Variants in TERT observed in about 807,000 individuals in gnomAD.
TERT encodes the protein telomerase reverse transcriptase.
In TERT, 42 loss-of-function variants were observed where a neutral mutation model predicts 104.0. The ratio of observed to expected loss-of-function variants is 0.40; its 90% CI spans 0.32 to 0.52. TERT has a LOEUF of 0.52. TERT is among the 20% of genes least tolerant of loss of function. TERT has a pLI of 0.43. For missense variants in TERT, 1,101 were observed against 1,610.3 expected (o/e 0.68, Z 5.41); for synonymous variants, 781 against 725.6 (o/e 1.08, Z -1.23).
Position 1,255,233 on chromosome 5 carries a change from AC to A in TERT, c.3157+53del, listed in dbSNP as rs1469538163. The A allele has an allele frequency of 1.9e-6, 3 of 1,604,680 alleles. No individual in the cohort carries two copies. Among genetic ancestry groups the A allele is most frequent in the Non-Finnish European group, 2.6e-6 (3 of 1,175,718 alleles). On this transcript the variant is annotated intron_variant, in intron 14 of 15. Transcript: ENST00000310581. The surrounding 1 kb of genome is among the most constrained non-coding windows in gnomAD (Gnocchi z 6.9). ...CCAGATTCACTCAGTCTCCTGACAC[AC>A]TAACACCAGCAGGCAGGCACTGCTG... is the stretch of plus-strand genomic sequence containing the variant.
At chr5:1,267,155 G>A (rs1302787389) in intron 9 of TERT, among the ~76,000 whole-genome samples, 2 of 152,188 alleles carry the variant, frequency 1.3e-5, no homozygotes, top group East Asian at 3.8e-4. Context: ...TCTAGAACTT[G>A]AACCTTAATG....
chr5:1,278,929 G>A, intron 5 of TERT, 133 bp from the exon 6 acceptor site: 1 of 1,279,658 alleles, frequency 7.8e-7, no homozygotes, highest in Non-Finnish European at 1.1e-6. Context: ...CCAAGGGCAG[G>A]GCGGGCTGTG....
rs1748881094 is a variant in TERT at position 1,269,668 on chromosome 5, C to T, written c.2469-1035G>A. 6.6e-6 allele frequency among the ~76,000 whole-genome samples: 1 copy of T among 151,816 alleles called. No individual in the cohort carries two copies. Among genetic ancestry groups the T allele is most frequent in the Non-Finnish European group, 1.5e-5 (1 of 67,984 alleles). On this transcript the variant is annotated intron_variant, in intron 8 of 15. Transcript: ENST00000310581. This position sits in a 1 kb window ranked among gnomAD's most constrained non-coding sequence, Gnocchi z 9.0. ...GCTTTCCTTGCTGGTGCAGATATCA[C>T]AGTGATGGGCAAGAGGACTGCACTT...
rs1383190628 is a variant in TERT, at chr5:1,261,982, A to G, written c.2844-1382T>C. 1.3e-5 allele frequency among the ~76,000 whole-genome samples: 2 copies of G among 152,072 alleles called. No individual in the cohort carries two copies. Among genetic ancestry groups the G allele is most frequent in the Non-Finnish European group, 2.9e-5 (2 of 68,008 alleles). On this transcript the variant is annotated intron_variant, in intron 11 of 15. Transcript: ENST00000310581. This position sits in a 1 kb window ranked among gnomAD's most constrained non-coding sequence, Gnocchi z 7.4. Reference sequence around the variant, plus strand: ...CGCCTTAAATAAATCACGTGCACAAACGCTCCAGGGAATGGCCATTTTCAC... The same window carrying G: ...CGCCTTAAATAAATCACGTGCACAAGCGCTCCAGGGAATGGCCATTTTCAC...
rs1372722498 is a variant in TERT, at chr5:1,256,001, G to A, written c.3033-590C>T. Among the ~76,000 whole-genome samples the A allele has an allele frequency of 1.3e-5, 2 of 151,780 alleles. No homozygotes were observed. The highest frequency in any genetic ancestry group is 4.8e-5 in the African/African-American group (2 of 41,296). Reference sequence around the variant, plus strand: ...ACTAAATGTTTCTTTCCAAGAAACTGCATTTGTCAGTCTTCTTTGTTGTTG... The same window carrying A: ...ACTAAATGTTTCTTTCCAAGAAACTACATTTGTCAGTCTTCTTTGTTGTTG... On this transcript the variant is annotated intron_variant, in intron 13 of 15. Transcript: ENST00000310581. This position sits in a 1 kb window ranked among gnomAD's most constrained non-coding sequence, Gnocchi z 7.0.
Position 1,286,543 on chromosome 5 carries a change from T to G in TERT, c.1574-3919A>C, listed in dbSNP as rs373971011. Among the ~76,000 whole-genome samples the G allele has an allele frequency of 2.0e-5, 3 of 152,132 alleles. No individual in the cohort carries two copies. The highest frequency in any genetic ancestry group is 1.9e-4 in the East Asian group (1 of 5,202). Reference sequence around the variant, plus strand: ...AGCTAAAATACACTAAGGGTCTTATTGCTCAGGACAAGGGTAGCAATGTTT... The same window carrying G: ...AGCTAAAATACACTAAGGGTCTTATGGCTCAGGACAAGGGTAGCAATGTTT... On this transcript the variant is annotated intron_variant, in intron 2 of 15. Coordinates refer to ENST00000310581, the MANE Select transcript of TERT (RefSeq NM_198253.3). The surrounding 1 kb of genome is among the most constrained non-coding windows in gnomAD (Gnocchi z 5.3).
rs2126560028 is a variant in TERT, at chr5:1,254,512, GA to G, written c.3158-8del. ...TTGGCCCCCAGCGACATCCCTGGGG[GA>G]AAACAGAGGCTGAGGAGTCACAGGC... On this transcript the variant is annotated splice_polypyrimidine_tract_variant and splice_region_variant and intron_variant, in intron 14 of 15. Transcript: ENST00000310581. The G allele has an allele frequency of 2.5e-6, 4 of 1,609,638 alleles. No individual in the cohort carries two copies. Among genetic ancestry groups the G allele is most frequent in the Non-Finnish European group, 3.4e-6 (4 of 1,178,912 alleles).
Position 1,295,058 on chromosome 5 carries a change from C to T in TERT, c.-69G>A. On this transcript the variant is annotated 5_prime_UTR_variant, in exon 1 of 16. Coordinates refer to ENST00000310581, the MANE Select transcript of TERT (RefSeq NM_198253.3). ...ACGCAGCGCTGCCTGAAACTCGCGC[C>T]GCGAGGAGAGGGCGGGGCCGCGGAA... The T allele has an allele frequency of 9.0e-7, 1 of 1,105,718 alleles. No individual in the cohort carries two copies. The highest frequency in any genetic ancestry group is 1.1e-6 in the Non-Finnish European group (1 of 872,600). 68.5% of individuals were successfully genotyped at this position (1,105,718 alleles called of 1,614,324 possible).
chr5:1,277,400 A>G (rs943692211), intron 6 of TERT, among the ~76,000 whole-genome samples: 1 of 152,218 alleles, frequency 6.6e-6, no homozygotes, highest in Non-Finnish European at 1.5e-5. Context: ...AGCGGGAAGG[A>G]TACATCCACG....
chr5:1,293,882 G>A lies in TERT; in HGVS notation c.1004C>T (p.Ser335Leu), dbSNP rs1751172447. ...YAETKHFLYS[S>L]GDKEQLRPSF... ...GGGCCGCAGCTGCTCCTTGTCGCCT[G>A]AGGAGTAGAGGAAGTGCTTGGTCTC... The change falls in exon 2 of 16, where the codon TCA becomes TTA. Residue 335 changes from serine (S) to leucine (L), a missense_variant. Coordinates refer to ENST00000310581, the MANE Select transcript of TERT (RefSeq NM_198253.3). 6.5e-7 allele frequency: 1 copy of A among 1,543,442 alleles called. No individual in the cohort carries two copies. Among genetic ancestry groups the A allele is most frequent in the Non-Finnish European group, 8.7e-7 (1 of 1,146,994 alleles).
At chr5:1,258,209 C>T (rs1481436955) in intron 13 of TERT, among the ~76,000 whole-genome samples, 1 of 152,250 alleles carries the variant, frequency 6.6e-6, no homozygotes, top group African/African-American at 2.4e-5. Context: ...GCCCTCTTTG[C>T]TGAGACCCCA....
At chr5:1,260,354 GCAC>G in intron 12 of TERT, 117 bp downstream of exon 12, 1 of 1,496,802 alleles carries the variant, frequency 6.7e-7, no homozygotes, top group Admixed American at 1.7e-5. Flanking sequence ...GCGTACATGT[GCAC>G]TCTTACGTGC....
In TERT at chr5:1,261,099, C is replaced by CA. The variant is rs1454817451; in HGVS notation, c.2844-500dup. ...GTGCACGTGGCACACATGGTGTCTCCAGAGGGGCAGGATGGAGGCATCCCA... is the reference window on the plus strand; with the variant it reads ...GTGCACGTGGCACACATGGTGTCTCCAAGAGGGGCAGGATGGAGGCATCCCA... On this transcript the variant is annotated intron_variant, in intron 11 of 15. Transcript: ENST00000310581. This position sits in a 1 kb window ranked among gnomAD's most constrained non-coding sequence, Gnocchi z 7.4. Among the ~76,000 whole-genome samples, 2 of 152,132 alleles carry CA rather than the reference C, an allele frequency of 1.3e-5. No individual in the cohort carries two copies. The highest frequency in any genetic ancestry group is 2.9e-5 in the Non-Finnish European group (2 of 68,028).
chr5:1,259,540 C>T (rs373623078), intron 12 of TERT, among the ~76,000 whole-genome samples: 10 of 105,424 alleles, frequency 9.5e-5, no homozygotes, highest in South Asian at 3.5e-4. Context: ...AGGGAGCAGA[C>T]GCAGATGCCC....
rs752959538 is a variant in TERT, at chr5:1,255,845, C to T, written c.3033-434G>A. On this transcript the variant is annotated intron_variant, in intron 13 of 15. Transcript: ENST00000310581. The surrounding 1 kb of genome is among the most constrained non-coding windows in gnomAD (Gnocchi z 6.9). ...GATGTCATCGTATATCAACGTCCTGCGCATCCCTTCTGAGCCACCCGCCCC... is the reference window on the plus strand; with the variant it reads ...GATGTCATCGTATATCAACGTCCTGTGCATCCCTTCTGAGCCACCCGCCCC... 8.5e-5 allele frequency among the ~76,000 whole-genome samples: 13 copies of T among 152,248 alleles called. No homozygotes were observed. Among genetic ancestry groups the T allele is most frequent in the East Asian group, 1.9e-4 (1 of 5,188 alleles).
At position 1,256,137 on chromosome 5, in the gene TERT, A is replaced by G. The variant is rs970252107; in HGVS notation, c.3033-726T>C. ...GTGATCCTCCCACTTCAGCCTCCCA[A>G]GTATTGGAACTACAGGCGCACACCA... On this transcript the variant is annotated intron_variant, in intron 13 of 15. Coordinates refer to ENST00000310581, the MANE Select transcript of TERT (RefSeq NM_198253.3). This position sits in a 1 kb window ranked among gnomAD's most constrained non-coding sequence, Gnocchi z 7.0. 1.3e-5 allele frequency among the ~76,000 whole-genome samples: 2 copies of G among 152,022 alleles called. No homozygotes were observed. Among genetic ancestry groups the G allele is most frequent in the African/African-American group, 4.8e-5 (2 of 41,378 alleles).
chr5:1,264,259 A>C lies in TERT; in HGVS notation c.2843+145T>G, dbSNP rs1331002862. 7.4e-6 allele frequency: 6 copies of C among 808,360 alleles called. No individual in the cohort carries two copies. In the African/African-American group the frequency reaches 1.0e-4, roughly 14 times the overall value. The allele number at this position is 808,360 out of a possible 1,614,324, so 50.1% of individuals were successfully genotyped here. On this transcript the variant is annotated intron_variant, in intron 11 of 15. Transcript: ENST00000310581. ...AAGATGCATTTCTGCTCAGCCCCAGATGGGACGAGGGGCACCCTGTGGCCT... is the reference window on the plus strand; with the variant it reads ...AAGATGCATTTCTGCTCAGCCCCAGCTGGGACGAGGGGCACCCTGTGGCCT...
In TERT at chr5:1,253,944, C is replaced by T. The variant is rs1561186160; in HGVS notation, c.3296-113G>A. On this transcript the variant is annotated intron_variant, in intron 15 of 15. Coordinates refer to ENST00000310581, the MANE Select transcript of TERT (RefSeq NM_198253.3). The stretch of plus-strand genomic sequence containing the variant: ...CAGGGCCTGCACCTCGTGGCCCTGG[C>T]TGGTGGGAACCTCAGTGAAGGGACA... The T allele has an allele frequency of 3.5e-5, 41 of 1,175,056 alleles. 1 individual carries two copies. In the South Asian group the frequency reaches 3.8e-4, roughly 11 times the overall value. The allele number at this position is 1,175,056 out of a possible 1,614,324, so 72.8% of individuals were successfully genotyped here.
chr5:1,279,223 T>G (rs1749831241), intron 5 of TERT, 68 bp downstream of exon 5: 2 of 1,511,514 alleles, frequency 1.3e-6, no homozygotes, highest in Non-Finnish European at 1.8e-6. Context: ...CCACCCAACA[T>G]GAGGTGCCAA....
Sources: allele counts gnomAD v4.1 joint callset (sites outside exome capture counted in the v4.1 genomes callset), GRCh38; gene constraint gnomAD v4.1.1; non-coding constraint Gnocchi (gnomAD v3.1); transcripts MANE v1.5; gene names NCBI Gene and HGNC (gene_info 2026-07-23, HGNC 2026-07-21).